The following SH2D6 variants were observed in gnomAD, a reference collection of about 807,000 sequenced individuals.
SH2D6 encodes the protein SH2 domain containing 6, also known as SH2 domain-containing protein 6.
A neutral mutation model predicts 30.2 loss-of-function variants in SH2D6; 31 were observed. That is an observed-to-expected ratio of 1.03 (90% CI 0.77 to 1.38). The LOEUF is 1.38. SH2D6 is among the 40% of genes most tolerant of loss of function. The probability of loss-of-function intolerance (pLI) is 0.00; values close to 1 mark genes in which losing one functional copy is unlikely to be tolerated. For missense variants in SH2D6, 240 were observed against 266.8 expected, an observed-to-expected ratio of 0.90 and a Z score of 0.70; for synonymous variants, 93 against 104.6, an observed-to-expected ratio of 0.89 and a Z score of 0.68.
At position 85,433,130 on chromosome 2, in the gene SH2D6, C is replaced by A; in HGVS notation, c.393+9C>A. 1 of 985,950 alleles carries A rather than the reference C, an allele frequency of 1.0e-6. No individual in the cohort carries two copies. The highest frequency in any genetic ancestry group is 5.2e-4 in the Middle Eastern group (1 of 1,918). 61.1% of individuals were successfully genotyped at this position (985,950 alleles called of 1,614,324 possible). A position where few individuals can be genotyped will look rare whatever the true frequency, so the allele number is the denominator to read the frequency against. ...GTGCATCGTCCAGAGTGGTGAGCAG[C>A]CCCTCCATTTCCACCTCAGTTTCCA... On this transcript the variant is annotated intron_variant, in intron 15 of 23. Transcript: ENST00000469800.
intron 22 of SH2D6, 142 bp downstream of exon 22, chr2:85,435,966 C>T: frequency 8.2e-7 from 1 of 1,212,806 alleles, no homozygotes; most frequent in Non-Finnish European, 1.1e-6. Context: ...GAGCCCTGAA[C>T]TCCTTCCAGA....
intron 17 of SH2D6, 51 bp downstream of exon 17, chr2:85,434,162 G>A: frequency 6.5e-7 from 1 of 1,538,628 alleles, no homozygotes; most frequent in South Asian, 1.2e-5. Context: ...GAGACACAGA[G>A]AGAGACAGCA....
chr2:85,435,399 G>A lies in SH2D6; in HGVS notation c.649-14G>A. The A allele has an allele frequency of 1.2e-6, 2 of 1,612,448 alleles. No homozygotes were observed. Among genetic ancestry groups the A allele is most frequent in the Non-Finnish European group, 1.7e-6 (2 of 1,179,370 alleles). ...TGCCCTGGCATGTTTCTGAGTGACT[G>A]TGTGTATGCACAGGACAGTGATCTG... On this transcript the variant is annotated splice_polypyrimidine_tract_variant and intron_variant, in intron 20 of 23. Transcript: ENST00000469800.
intron 6 of SH2D6, among the ~76,000 whole-genome samples, chr2:85,426,511 C>G (rs2104890153): frequency 6.6e-6 from 1 of 152,274 alleles, no homozygotes; most frequent in South Asian, 2.1e-4. Context: ...GCCCCATACT[C>G]TGGGAGAAGG....
chr2:85,435,015 A>ACCCCCCCCCCCCCCC, intron 19 of SH2D6, 50 bp from the exon 20 acceptor site: 2 of 589,514 alleles, frequency 3.4e-6, no homozygotes, highest in Non-Finnish European at 2.2e-6. Context: ...ACCTTTGCCC[A>ACCCCCCCCCCCCCCC]CCCCCACCCC....
chr2:85,432,536 G>A (rs1688846898), intron 14 of SH2D6, among the ~76,000 whole-genome samples: 1 of 151,844 alleles, frequency 6.6e-6, no homozygotes, highest in African/African-American at 2.4e-5. Context: ...GAGTAGCTGG[G>A]ACTACAGGCG....
At chr2:85,432,486 GC>G in intron 14 of SH2D6, among the ~76,000 whole-genome samples, 2 of 151,520 alleles carry the variant, frequency 1.3e-5, no homozygotes, top group Middle Eastern at 6.8e-3. Context: ...TGCAGGCTCC[GC>G]CCCCTGGGGT....
intron 6 of SH2D6, among the ~76,000 whole-genome samples, chr2:85,426,795 G>T (rs1250115956): frequency 2.0e-5 from 3 of 152,244 alleles, no homozygotes; most frequent in Non-Finnish European, 4.4e-5. Context: ...GAGGTTGTGG[G>T]AACCCCAGCT....
intron 6 of SH2D6, among the ~76,000 whole-genome samples, chr2:85,427,558 G>C (rs1177665244): frequency 6.6e-6 from 1 of 152,202 alleles, no homozygotes; most frequent in Admixed American, 6.5e-5. Flanking sequence ...GCTGGAGTGA[G>C]GGCAGCATGG....
chr2:85,433,741 C>G (rs1689047736), intron 16 of SH2D6, 110 bp downstream of exon 16: 2 of 835,002 alleles, frequency 2.4e-6, no homozygotes, highest in Non-Finnish European at 1.6e-6. Flanking sequence ...CTCACCACCC[C>G]CCACCAACAC....
chr2:85,434,631 A>AAAAAAAC lies in SH2D6; in HGVS notation c.589+138_589+139insAACAAAA, dbSNP rs1430321402. ...TTGACTAGACTTAAAAAAAAAAAAA[A>AAAAAAAC]AAAACTAGGTGAATGCAGGCATCTT... On this transcript the variant is annotated intron_variant, in intron 19 of 23. Transcript: ENST00000469800. 519 of 1,368,752 alleles carry AAAAAAAC rather than the reference A, an allele frequency of 3.8e-4. 2 individuals are homozygous for AAAAAAAC. In the African/African-American group the frequency reaches 6.9e-3, roughly 18 times the overall value. 84.8% of individuals were successfully genotyped at this position (1,368,752 alleles called of 1,614,324 possible). A position where few individuals can be genotyped will look rare whatever the true frequency, so the allele number is the denominator to read the frequency against.
Position 85,433,771 on chromosome 2 carries a change from G to A in SH2D6, c.454+140G>A, listed in dbSNP as rs114138064. 1.8e-3 allele frequency: 1,268 copies of A among 715,628 alleles called. 13 individuals are homozygous for A. In the African/African-American group the frequency reaches 0.021, roughly 12 times the overall value. The allele number at this position is 715,628 out of a possible 1,614,324, so 44.3% of individuals were successfully genotyped here. ...CAACACGCATTTGCCTTCAGTCACC[G>A]CATGGACATCACACTCCTGCCTGTG... is the stretch of plus-strand genomic sequence containing the variant. On this transcript the variant is annotated intron_variant, in intron 16 of 23. Coordinates refer to ENST00000469800, the MANE Select transcript of SH2D6 (RefSeq NM_001394463.1).
chr2:85,433,969 C>A, intron 16 of SH2D6, 64 bp from the exon 17 acceptor site: 1 of 1,390,416 alleles, frequency 7.2e-7, no homozygotes, highest in Non-Finnish European at 9.9e-7. Flanking sequence ...TCAGCCCTGC[C>A]CTGGTCAGCA....
chr2:85,434,617 T>TAAAAAA (rs532727235), intron 19 of SH2D6, 120 bp downstream of exon 19: 15 of 997,024 alleles, frequency 1.5e-5, no homozygotes, highest in African/African-American at 9.1e-5. Context: ...TGACTAGACT[T>TAAAAAA]AAAAAAAAAA....
intron 6 of SH2D6, among the ~76,000 whole-genome samples, chr2:85,425,768 T>C (rs1481723746): frequency 1.3e-5 from 2 of 152,110 alleles, no homozygotes; most frequent in Non-Finnish European, 2.9e-5. Context: ...GCCAATGCCA[T>C]TGATTTGGGC....
intron 5 of SH2D6, among the ~76,000 whole-genome samples, chr2:85,424,041 T>G (rs537656002): frequency 6.6e-6 from 1 of 152,292 alleles, no homozygotes; most frequent in South Asian, 2.1e-4. Context: ...TCCCCCTGTT[T>G]CCAGGCTGGT....
chr2:85,420,549 C>T (rs62162756), intron 2 of SH2D6, among the ~76,000 whole-genome samples: 36,983 of 152,240 alleles, frequency 0.24, 5,101 homozygotes, highest in Non-Finnish European at 0.32. Context: ...CTGTTGAATG[C>T]CCATTCCTGC....
intron 6 of SH2D6, 117 bp from the exon 7 acceptor site, chr2:85,428,467 T>G (rs1230130103): frequency 3.3e-5 from 5 of 152,154 alleles, no homozygotes; most frequent in African/African-American, 1.2e-4. Flanking sequence ...TATTTAGAGA[T>G]AGGGTCTTTA....
intron 19 of SH2D6, 130 bp downstream of exon 19, chr2:85,434,627 A>G (rs1343716242): frequency 7.3e-7 from 1 of 1,370,246 alleles, no homozygotes; most frequent in Non-Finnish European, 9.8e-7. Flanking sequence ...TAAAAAAAAA[A>G]AAAAAAAACT....
Sources: allele counts gnomAD v4.1 joint callset (sites outside exome capture counted in the v4.1 genomes callset), GRCh38; gene constraint gnomAD v4.1.1; transcripts MANE v1.5; gene names NCBI Gene and HGNC (gene_info 2026-07-23, HGNC 2026-07-21).